ROBO2: variants seen among roughly 807,000 people sequenced by gnomAD.
The protein encoded by ROBO2 is roundabout homolog 2.
Under a neutral mutation model 160.8 loss-of-function variants are expected in ROBO2, and 53 were observed. That is an observed-to-expected ratio of 0.33 (90% CI 0.26 to 0.41). The LOEUF is 0.41. ROBO2 is among the 10% of genes least tolerant of loss of function. The pLI, the probability that ROBO2 is intolerant of heterozygous loss-of-function variation, is 1.00. For synonymous variants in ROBO2, 664 were observed against 611.7 expected (o/e 1.09, Z -1.26); for missense variants, 1,577 against 1,722.4 (o/e 0.92, Z 1.49).
chr3:77,294,340 A>C (rs1199507504), intron 2 of ROBO2, among the ~76,000 whole-genome samples: 5 of 143,752 alleles, frequency 3.5e-5, no homozygotes, highest in African/African-American at 1.4e-4. Flanking sequence ...AGATCACCAA[A>C]GACATAAAGT....
At chr3:77,541,372 A>C (rs1223093167) in intron 6 of ROBO2, among the ~76,000 whole-genome samples, 2 of 151,904 alleles carry the variant, frequency 1.3e-5, no homozygotes, top group Non-Finnish European at 1.5e-5. Context: ...TCACCCACTC[A>C]CTCTCACCAG....
intron 2 of ROBO2, among the ~76,000 whole-genome samples, chr3:77,200,660 C>T (rs2082824205): frequency 6.6e-6 from 1 of 151,868 alleles, no homozygotes; most frequent in South Asian, 2.1e-4. Context: ...TAGTTCAGCT[C>T]CTTTCTTAGT....
Position 76,800,419 on chromosome 3 carries a change from C to G in ROBO2, c.110-297595C>G, listed in dbSNP as rs539795715. Among the ~76,000 whole-genome samples, 11 of 152,138 alleles carry G rather than the reference C, an allele frequency of 7.2e-5. No homozygotes were observed. In the South Asian group the frequency reaches 2.3e-3, roughly 32 times the overall value. On this transcript the variant is annotated intron_variant, in intron 2 of 26. Transcript: ENST00000487694. ...TCTGCACAAAAAAGGAAACAATCAA[C>G]AAAGTGAAGAGACAACCCAGAGAAC...
intron 7 of ROBO2, among the ~76,000 whole-genome samples, chr3:77,550,608 T>A (rs1037113852): frequency 2.0e-5 from 3 of 152,048 alleles, no homozygotes; most frequent in Admixed American, 2.0e-4. Flanking sequence ...CTAGAAAATA[T>A]TGACTTCTTA....
At chr3:76,379,412 A>C (rs866823687) in intron 2 of ROBO2, among the ~76,000 whole-genome samples, 3 of 152,140 alleles carry the variant, frequency 2.0e-5, no homozygotes, top group Non-Finnish European at 2.9e-5. Flanking sequence ...GTGTCTTTCT[A>C]TGTAGAACAA....
chr3:76,779,194 C>G (rs1236662153), intron 2 of ROBO2, among the ~76,000 whole-genome samples: 1 of 150,936 alleles, frequency 6.6e-6, no homozygotes, highest in East Asian at 2.0e-4. Flanking sequence ...AAGATTTACA[C>G]ATAAAAAGTT....
At chr3:76,958,987 A>G (rs978245483) in intron 2 of ROBO2, among the ~76,000 whole-genome samples, 4 of 152,196 alleles carry the variant, frequency 2.6e-5, no homozygotes, top group Admixed American at 2.0e-4. Flanking sequence ...AACAACATTC[A>G]CAGCTAATAG....
chr3:76,240,293 C>A (rs989406650), intron 2 of ROBO2, among the ~76,000 whole-genome samples: 7 of 152,012 alleles, frequency 4.6e-5, no homozygotes, highest in Non-Finnish European at 8.8e-5. Context: ...CCCCCACCCC[C>A]CGACAGGCCC....
At chr3:76,719,520 TA>T (rs879854563) in intron 2 of ROBO2, among the ~76,000 whole-genome samples, 1 of 152,112 alleles carries the variant, frequency 6.6e-6, no homozygotes, top group Non-Finnish European at 1.5e-5. Context: ...TAATTTAAAG[TA>T]AAAAAATCCA....
At chr3:77,268,276 A>G (rs2059265500) in intron 2 of ROBO2, among the ~76,000 whole-genome samples, 1 of 152,148 alleles carries the variant, frequency 6.6e-6, no homozygotes, top group South Asian at 2.1e-4. Context: ...AAATGCATAT[A>G]TTTTTATTCT....
chr3:76,693,620 G>A (rs555911614), intron 2 of ROBO2, among the ~76,000 whole-genome samples: 6 of 152,090 alleles, frequency 3.9e-5, no homozygotes, highest in South Asian at 2.1e-4. Context: ...ATGACATAGC[G>A]CAGTCCAAGT....
rs2076421574 is a variant in ROBO2, at chr3:76,431,171, A to G, written c.109+493569A>G. ...GATAAACCATTGCTTCAAGAAGTAT[A>G]CTGTGTAAATATAACCGCATCTTTG... On this transcript the variant is annotated intron_variant, in intron 2 of 26. Transcript: ENST00000487694. 2.0e-5 allele frequency among the ~76,000 whole-genome samples: 3 copies of G among 152,136 alleles called. 1 individual carries two copies. In the South Asian group the frequency reaches 6.2e-4, roughly 32 times the overall value.
At chr3:77,088,586 A>C (rs1281516844) in intron 1 of ROBO2, among the ~76,000 whole-genome samples, 1 of 152,068 alleles carries the variant, frequency 6.6e-6, no homozygotes, top group Non-Finnish European at 1.5e-5. Flanking sequence ...GTGTGGACAT[A>C]TTTATTTTTA....
chr3:76,473,395 A>G (rs1341121566), intron 2 of ROBO2, among the ~76,000 whole-genome samples: 1 of 152,108 alleles, frequency 6.6e-6, no homozygotes, highest in East Asian at 1.9e-4. Context: ...TGATTATTTA[A>G]CAAATTATTT....
intron 2 of ROBO2, among the ~76,000 whole-genome samples, chr3:77,217,718 T>C (rs1330654203): frequency 2.0e-5 from 3 of 152,222 alleles, no homozygotes; most frequent in African/African-American, 4.8e-5. Context: ...AAACCAGTTA[T>C]ATAAAAATTG....
At chr3:76,838,916 C>T (rs2067969056) in intron 2 of ROBO2, among the ~76,000 whole-genome samples, 1 of 152,074 alleles carries the variant, frequency 6.6e-6, no homozygotes, top group Admixed American at 6.6e-5. Flanking sequence ...CCACATGAAA[C>T]TTGTAGACAA....
chr3:77,513,081 G>A (rs1310879107), intron 5 of ROBO2, among the ~76,000 whole-genome samples: 1 of 151,900 alleles, frequency 6.6e-6, no homozygotes, highest in Non-Finnish European at 1.5e-5. Context: ...GGCCAGTCAG[G>A]AAGTTTTATA....
chr3:77,047,662 AGGCAACGGGC>A (rs1405852521), intron 1 of ROBO2, among the ~76,000 whole-genome samples: 1 of 150,844 alleles, frequency 6.6e-6, no homozygotes, highest in Non-Finnish European at 1.5e-5. Flanking sequence ...ACTCCAGCCT[AGGCAACGGGC>A]AAAACTCCGT....
chr3:77,586,475 T>C (rs2094052289), intron 16 of ROBO2, among the ~76,000 whole-genome samples: 1 of 152,124 alleles, frequency 6.6e-6, no homozygotes, highest in Admixed American at 6.6e-5. Context: ...TCCAATGGGA[T>C]GAAGACATTA....
Sources: allele counts gnomAD v4.1 joint callset (sites outside exome capture counted in the v4.1 genomes callset), GRCh38; gene constraint gnomAD v4.1.1; transcripts MANE v1.5; gene names NCBI Gene and HGNC (gene_info 2026-07-23, HGNC 2026-07-21).